The following NUP214 variants were observed in gnomAD, a reference collection of about 807,000 sequenced individuals.
NUP214 encodes the protein nucleoporin 214, also known as nuclear pore complex protein Nup214.
NUP214 carries 79 observed loss-of-function variants against 196.2 expected under a neutral mutation model. The ratio of observed to expected loss-of-function variants is 0.40; its 90% CI spans 0.34 to 0.49. The LOEUF (loss-of-function observed/expected upper bound fraction) is 0.49. NUP214 is among the 20% of genes least tolerant of loss of function. The pLI, the probability that NUP214 is intolerant of heterozygous loss-of-function variation, is 0.58. For synonymous variants in NUP214, 1,020 were observed against 990.5 expected (o/e 1.03, Z -0.56); for missense variants, 2,468 against 2,539.0 (o/e 0.97, Z 0.60).
chr9:131,193,623 C>CTTTTTTTTTTTT (rs1833675837), intron 27 of NUP214, among the ~76,000 whole-genome samples: 1 of 24,182 alleles, frequency 4.1e-5, no homozygotes, highest in Non-Finnish European at 1.1e-4. Flanking sequence ...TATTCTTCTT[C>CTTTTTTTTTTTT]CTTTTCTTTT....
intron 32 of NUP214, among the ~76,000 whole-genome samples, chr9:131,223,860 A>G (rs1834651121): frequency 6.7e-6 from 1 of 148,260 alleles, no homozygotes; most frequent in East Asian, 2.0e-4. Flanking sequence ...TCAGCCTCCC[A>G]AGTAGCTGGG....
rs1833823281 is a variant in NUP214 at position 131,197,553 on chromosome 9, A to G, written c.4059A>G (p.Ser1353=). The change falls in exon 29 of 36, where the codon TCA becomes TCG. Residue 1353 remains serine, a synonymous_variant. Coordinates refer to ENST00000359428, the MANE Select transcript of NUP214 (RefSeq NM_005085.4). ...DDSTKPTNKA[S]STSLTSTQPT... is the part of the protein sequence containing the mutation. ...CTACAAAACCAACCAATAAGGCTTC[A>G]TCCACAAGCCTAACTAGTACCCAGC... 1.2e-6 allele frequency: 2 copies of G among 1,614,104 alleles called. No homozygotes were observed. The highest frequency in any genetic ancestry group is 1.1e-5 in the South Asian group (1 of 91,092).
Position 131,232,403 on chromosome 9 carries a change from GTT to G in NUP214, c.6239+100_6239+101del. 2.3e-6 allele frequency: 3 copies of G among 1,307,322 alleles called. No homozygotes were observed. Among genetic ancestry groups the G allele is most frequent in the Non-Finnish European group, 2.2e-6 (2 of 903,490 alleles). The allele number at this position is 1,307,322 out of a possible 1,614,324, so 81.0% of individuals were successfully genotyped here. On this transcript the variant is annotated intron_variant, in intron 35 of 35. Transcript: ENST00000359428. This position sits in a 1 kb window ranked among gnomAD's most constrained non-coding sequence, Gnocchi z 5.1. ...TGCTGGATTTGTGCATTTTCTTTTC[GTT>G]TTTTCCTGTTTTTAGAGTTTGTCCT...
rs750062645 is a variant in NUP214 at position 131,125,798 on chromosome 9, C to T, written c.45+49C>T. On this transcript the variant is annotated intron_variant, in intron 1 of 35. Coordinates refer to ENST00000359428, the MANE Select transcript of NUP214 (RefSeq NM_005085.4). This position sits in a 1 kb window ranked among gnomAD's most constrained non-coding sequence, Gnocchi z 4.1. ...CTCCCTTCTTTAGTCCTGGCGTTGC[C>T]TTGGAGCCCAGCTGAAAGGCGAAGC... 4 of 1,545,986 alleles carry T rather than the reference C, an allele frequency of 2.6e-6. No homozygotes were observed. Among genetic ancestry groups the T allele is most frequent in the Non-Finnish European group, 2.6e-6 (3 of 1,143,160 alleles).
rs1024140171 is a variant in NUP214, at chr9:131,205,097, G to A, written c.5592+3380G>A. Among the ~76,000 whole-genome samples, 7 of 152,140 alleles carry A rather than the reference G, an allele frequency of 4.6e-5. No individual in the cohort carries two copies. The South Asian group carries it at 6.2e-4, about 14-fold the overall frequency. ...GTCTAGCAGACCTGACTCCAGTCTG[G>A]GCGACAGAGCAAGACTCCATCTCAA... On this transcript the variant is annotated intron_variant, in intron 30 of 35. Transcript: ENST00000359428.
intron 31 of NUP214, 122 bp downstream of exon 31, chr9:131,215,490 A>T (rs942198482): frequency 3.7e-5 from 41 of 1,106,880 alleles, no homozygotes; most frequent in Non-Finnish European, 5.0e-5. Flanking sequence ...CTCATTTAAA[A>T]TATCTTCCCC....
intron 1 of NUP214, chr9:131,127,072 A>G (rs1278599830): frequency 6.5e-6 from 1 of 153,402 alleles, no homozygotes; most frequent in Non-Finnish European, 1.5e-5. Flanking sequence ...AGACAAATTC[A>G]TGAAGTGTTC....
intron 32 of NUP214, among the ~76,000 whole-genome samples, chr9:131,227,010 T>C (rs1834742216): frequency 6.6e-6 from 1 of 152,244 alleles, no homozygotes; most frequent in East Asian, 1.9e-4. Flanking sequence ...ACGCAGTTCA[T>C]AGGCCAACAC....
intron 34 of NUP214, among the ~76,000 whole-genome samples, chr9:131,231,650 A>C (rs1406030749): frequency 6.6e-6 from 1 of 151,624 alleles, no homozygotes. Context: ...AAAAAAAGGC[A>C]TAGAAACTTC....
intron 32 of NUP214, among the ~76,000 whole-genome samples, chr9:131,223,711 T>TTTTTTTATTTATTTA (rs1554742594): frequency 3.7e-5 from 1 of 27,136 alleles, no homozygotes; most frequent in African/African-American, 9.5e-5. Context: ...TTTTTTTTAT[T>TTTTTTTATTTATTTA]TTTATTTATT....
Position 131,198,199 on chromosome 9 carries a change from C to T in NUP214, c.4705C>T (p.Pro1569Ser), listed in dbSNP as rs976060009. 1 of 1,614,098 alleles carries T rather than the reference C, an allele frequency of 6.2e-7. No individual in the cohort carries two copies. The highest frequency in any genetic ancestry group is 8.5e-7 in the Non-Finnish European group (1 of 1,180,046). The change falls in exon 29 of 36, where the codon CCA becomes TCA. Residue 1569 changes from proline to serine, a missense_variant. Coordinates refer to ENST00000359428, the MANE Select transcript of NUP214 (RefSeq NM_005085.4). The stretch of plus-strand genomic sequence containing the variant: ...TGTAGCACTTTCTGCAGAGGCTACC[C>T]CAGCCACCACGGGGGTCCCTGATGC... ...SLVALSAEAT[P>S]ATTGVPDART...
At chr9:131,133,004 A>AT (rs200244345) in intron 6 of NUP214, 102 bp from the exon 7 acceptor site, 8,792 of 798,990 alleles carry the variant, frequency 0.011, 123 homozygotes, top group African/African-American at 0.076. Flanking sequence ...AGGGCCTTTG[A>AT]TTTTTTTTTT....
chr9:131,181,386 G>A (rs1025538200), intron 24 of NUP214, among the ~76,000 whole-genome samples: 3 of 152,124 alleles, frequency 2.0e-5, no homozygotes, highest in East Asian at 1.9e-4. Flanking sequence ...GAGTGGAATC[G>A]CTGGATTACA....
intron 24 of NUP214, among the ~76,000 whole-genome samples, chr9:131,178,789 A>G (rs541671681): frequency 1.3e-4 from 20 of 150,696 alleles, no homozygotes; most frequent in African/African-American, 4.9e-4. Flanking sequence ...CTGTAATCTC[A>G]AGGGTGACAC....
chr9:131,135,747 C>T (rs975510336), intron 8 of NUP214, among the ~76,000 whole-genome samples, 193 bp from the exon 9 acceptor site: 2 of 152,210 alleles, frequency 1.3e-5, no homozygotes, highest in Admixed American at 1.3e-4. Flanking sequence ...GCTGATTCTA[C>T]AGGGCTTTCT....
intron 23 of NUP214, among the ~76,000 whole-genome samples, chr9:131,177,710 A>T (rs1277099355): frequency 6.6e-6 from 1 of 152,100 alleles, no homozygotes; most frequent in African/African-American, 2.4e-5. Context: ...GTCTTTTGGG[A>T]TACAATTTAC....
Position 131,228,309 on chromosome 9 carries a change from GC to G in NUP214, c.6053del (p.Ala2018ValfsTer125). 1 of 1,595,262 alleles carries G rather than the reference GC, an allele frequency of 6.3e-7. No individual in the cohort carries two copies. Among genetic ancestry groups the G allele is most frequent in the Non-Finnish European group, 8.5e-7 (1 of 1,173,416 alleles). On this transcript the variant is annotated frameshift_variant, in exon 33 of 36. Coordinates refer to ENST00000359428, the MANE Select transcript of NUP214 (RefSeq NM_005085.4). LOFTEE classifies it high-confidence loss of function. ...GGKVFGEGTAAASAGGFGFGS... is the reference protein window; with the variant it reads ...GGKVFGEGTAXASAGGFGFGS... ...CAAAGTGTTCGGAGAGGGCACTGCA[GC>G]TGCCAGCGCAGGAGGATTCGGGTAA...
At chr9:131,213,461 C>G (rs926052356) in intron 30 of NUP214, among the ~76,000 whole-genome samples, 2 of 152,152 alleles carry the variant, frequency 1.3e-5, no homozygotes, top group Non-Finnish European at 1.5e-5. Flanking sequence ...GGGCATGAGC[C>G]GCTGCACCCA....
In NUP214 at chr9:131,128,344, A is replaced by C; in HGVS notation, c.254A>C (p.Gln85Pro). Residue 85 changes from glutamine to proline, a missense_variant, in exon 3 of 36, where the codon CAA becomes CCA. By Grantham distance (76) the Gln-to-Pro change is moderately conservative. Coordinates refer to ENST00000359428, the MANE Select transcript of NUP214 (RefSeq NM_005085.4). Reference sequence around the variant, plus strand: ...TTTGTTTTCATAGTTGATAAAGTCCAAGGCTTGCTAGTTCCTATGAAATTC... The same window carrying C: ...TTTGTTTTCATAGTTGATAAAGTCCCAGGCTTGCTAGTTCCTATGAAATTC... ...DDPNKIVDKV[Q>P]GLLVPMKFPI... 6.2e-7 allele frequency: 1 copy of C among 1,611,930 alleles called. No homozygotes were observed. Among genetic ancestry groups the C allele is most frequent in the Middle Eastern group, 1.7e-4 (1 of 6,056 alleles).
Sources: gnomAD v4.1 joint callset for allele counts (sites outside exome capture counted in the v4.1 genomes callset) on GRCh38, gnomAD v4.1.1 for gene constraint, Gnocchi (gnomAD v3.1) non-coding constraint, MANE v1.5 for transcripts, NCBI Gene and HGNC (gene_info 2026-07-23, HGNC 2026-07-21) for gene names.